Variants in UBA5 observed in about 807,000 individuals in gnomAD.
UBA5 encodes ubiquitin like modifier activating enzyme 5.
UBA5 carries 28 observed loss-of-function variants against 52.9 expected under a neutral mutation model. The observed-to-expected ratio is 0.53, with a 90% CI of 0.39 to 0.73. The LOEUF is 0.73. Ranked by LOEUF, UBA5 falls within the 30% of genes least tolerant of loss-of-function variation. The probability of loss-of-function intolerance (pLI) is 0.00; values close to 1 mark genes in which losing one functional copy is unlikely to be tolerated. For synonymous variants in UBA5, 135 were observed against 162.1 expected (o/e 0.83, Z 1.27); for missense variants, 388 against 492.7 (o/e 0.79, Z 2.01).
chr3:132,667,154 A>G (rs2107933971), intron 3 of UBA5: 1 of 152,308 alleles, frequency 6.6e-6, no homozygotes, highest in African/African-American at 2.4e-5. Flanking sequence ...AAGTAGTAAC[A>G]TCAGTATCAG....
intron 11 of UBA5, 63 bp downstream of exon 11, chr3:132,675,986 C>A: frequency 9.0e-7 from 1 of 1,105,572 alleles, no homozygotes; most frequent in Non-Finnish European, 1.3e-6. Context: ...CATCTTCATT[C>A]TAATTTGTAA....
intron 8 of UBA5, among the ~76,000 whole-genome samples, 174 bp downstream of exon 8, chr3:132,672,351 ATATG>A (rs1938641887): frequency 6.9e-6 from 1 of 144,172 alleles, no homozygotes; most frequent in African/African-American, 2.9e-5. Context: ...TCTATTTTAT[ATATG>A]TATGTCTACT....
intron 1 of UBA5, chr3:132,654,724 G>A (rs114600142): frequency 6.6e-6 from 1 of 152,238 alleles, no homozygotes; most frequent in Admixed American, 6.5e-5. Context: ...CAGTGTGCTG[G>A]TCTCCCAGAA....
intron 1 of UBA5, 166 bp from the exon 2 acceptor site, chr3:132,665,657 T>TA: frequency 3.2e-6 from 2 of 622,324 alleles, no homozygotes; most frequent in Non-Finnish European, 5.5e-6. Context: ...GGTGCCTGGG[T>TA]AATTTAGTTT....
At chr3:132,656,082 C>A (rs1937782029), upstream of UBA5, among the ~76,000 whole-genome samples, 1 of 152,144 alleles carries the variant, frequency 6.6e-6, no homozygotes. Flanking sequence ...ATTTATCATT[C>A]CCTTGAAGTT....
intron 6 of UBA5, 88 bp from the exon 7 acceptor site, chr3:132,671,689 G>A: frequency 9.8e-7 from 1 of 1,023,696 alleles, no homozygotes; most frequent in Non-Finnish European, 1.5e-6. Context: ...AAAAGACCTT[G>A]GTAATCCATT....
chr3:132,667,440 C>A (rs939856086), intron 3 of UBA5: 1 of 152,092 alleles, frequency 6.6e-6, no homozygotes, highest in African/African-American at 2.4e-5. Flanking sequence ...GCACAAACAT[C>A]TGTATTTTTA....
chr3:132,662,385 CTG>C (rs1364238410), intron 1 of UBA5, among the ~76,000 whole-genome samples: 2 of 152,248 alleles, frequency 1.3e-5, no homozygotes, highest in Admixed American at 1.3e-4. Context: ...TGTGCAGACA[CTG>C]TGAATATAAA....
At chr3:132,666,674 G>C (rs1014978587) in intron 3 of UBA5, among the ~76,000 whole-genome samples, 1 of 152,012 alleles carries the variant, frequency 6.6e-6, no homozygotes. Context: ...TGTTGTTCTG[G>C]TAAAGGAAGC....
At chr3:132,666,122 G>T (rs1938367875) in intron 3 of UBA5, 49 bp downstream of exon 3, 1 of 1,515,018 alleles carries the variant, frequency 6.6e-7, no homozygotes, top group African/African-American at 1.4e-5. Context: ...CTCACTCCTG[G>T]AGTAAATCAG....
chr3:132,665,946 G>A (rs756461216), intron 2 of UBA5, 38 bp from the exon 3 acceptor site: 1 of 1,610,354 alleles, frequency 6.2e-7, no homozygotes, highest in East Asian at 2.2e-5. Context: ...ATTTGATGAA[G>A]AGCTATTAAC....
upstream of UBA5, among the ~76,000 whole-genome samples, chr3:132,656,808 A>T (rs1937831146): frequency 1.3e-5 from 2 of 151,698 alleles, no homozygotes. Flanking sequence ...CAGATTTTTT[A>T]AAAGTCAATT....
In UBA5 at chr3:132,671,579, G is replaced by A. The variant is rs111335259; in HGVS notation, c.580-198G>A. Among the ~76,000 whole-genome samples, 187 of 152,144 alleles carry A rather than the reference G, an allele frequency of 1.2e-3. 1 individual carries two copies. The highest frequency in any genetic ancestry group is 3.8e-3 in the African/African-American group (159 of 41,500). ...CAATTTAATAATATTTACTGACTGCGTCTTGAATACTGTCACTCTACTCTT... is the reference window on the plus strand; with the variant it reads ...CAATTTAATAATATTTACTGACTGCATCTTGAATACTGTCACTCTACTCTT... On this transcript the variant is annotated intron_variant, in intron 6 of 11. Coordinates refer to ENST00000356232, the MANE Select transcript of UBA5 (RefSeq NM_024818.6).
chr3:132,656,267 A>G (rs561977847), upstream of UBA5, among the ~76,000 whole-genome samples: 11 of 152,290 alleles, frequency 7.2e-5, no homozygotes, highest in Non-Finnish European at 1.6e-4. Flanking sequence ...TTTTGCTATT[A>G]CAAACAGTAC....
intron 8 of UBA5, among the ~76,000 whole-genome samples, chr3:132,674,395 G>T (rs889293799): frequency 6.6e-6 from 1 of 152,128 alleles, no homozygotes; most frequent in African/African-American, 2.4e-5. Flanking sequence ...CCTAATAAAA[G>T]ACATCAGATT....
intron 3 of UBA5, chr3:132,668,129 G>C (rs1938451737): frequency 6.6e-6 from 1 of 151,492 alleles, no homozygotes; most frequent in Admixed American, 6.6e-5. Context: ...TGTTCTTACT[G>C]ATAAGAAATG....
At chr3:132,663,416 G>A (rs1242241518) in intron 1 of UBA5, among the ~76,000 whole-genome samples, 1 of 152,092 alleles carries the variant, frequency 6.6e-6, no homozygotes, top group African/African-American at 2.4e-5. Flanking sequence ...CCTGAAGGAA[G>A]GGGTAAACTG....
upstream of UBA5, among the ~76,000 whole-genome samples, chr3:132,657,861 T>C (rs920898044): frequency 1.4e-5 from 2 of 145,610 alleles, no homozygotes; most frequent in Middle Eastern, 3.3e-3. Flanking sequence ...AAAAAACACA[T>C]ATTCCTTTTT....
chr3:132,678,310 G>A lies in UBA5; in HGVS notation c.*1784G>A, dbSNP rs887355078. Among the ~76,000 whole-genome samples, 1 of 152,152 alleles carries A rather than the reference G, an allele frequency of 6.6e-6. No homozygotes were observed. The highest frequency in any genetic ancestry group is 1.5e-5 in the Non-Finnish European group (1 of 68,036). On this transcript the variant is annotated 3_prime_UTR_variant, in exon 12 of 12. Coordinates refer to ENST00000356232, the MANE Select transcript of UBA5 (RefSeq NM_024818.6). ...ACTCTCTTGACAGTCTGTATGCCAT[G>A]AAAACTTGCATAAGAAGGCAGCTGA...
Sources: gnomAD v4.1 joint callset for allele counts (sites outside exome capture counted in the v4.1 genomes callset) on GRCh38, gnomAD v4.1.1 for gene constraint, MANE v1.5 for transcripts, NCBI Gene and HGNC (gene_info 2026-07-23, HGNC 2026-07-21) for gene names.